LRP1B: variants seen among roughly 807,000 people sequenced by gnomAD.
LRP1B encodes the protein LDL receptor related protein 1B, also known as low-density lipoprotein receptor-related protein 1B.
A neutral mutation model predicts 556.6 loss-of-function variants in LRP1B; 217 were observed. That is an observed-to-expected ratio of 0.39 (90% CI 0.35 to 0.44). The LOEUF (loss-of-function observed/expected upper bound fraction) is 0.44. LRP1B is among the 20% of genes least tolerant of loss of function. LRP1B has a pLI of 1.00. For missense variants in LRP1B, 5,053 were observed against 5,620.8 expected (o/e 0.90, Z 3.23); for synonymous variants, 2,047 against 1,865.8 (o/e 1.10, Z -2.50).
intron 41 of LRP1B, among the ~76,000 whole-genome samples, chr2:140,604,519 C>A (rs1682795778): frequency 6.6e-6 from 1 of 152,144 alleles, no homozygotes; most frequent in African/African-American, 2.4e-5. Context: ...AACATACTTT[C>A]ATCTCATCAC....
rs1378066262 is a variant in LRP1B, at chr2:140,963,709, C to A, written c.2888-11769G>T. Among the ~76,000 whole-genome samples the A allele has an allele frequency of 5.3e-5, 8 of 151,976 alleles. No individual in the cohort carries two copies. In the East Asian group the frequency reaches 1.4e-3, roughly 26 times the overall value. ...TTGTGGCTCACACCTGTAATCCCGG[C>A]ACTTTGGGAGGCTGAGGTGGGCAGA... is the stretch of plus-strand genomic sequence containing the variant. On this transcript the variant is annotated intron_variant, in intron 18 of 90. Coordinates refer to ENST00000389484, the MANE Select transcript of LRP1B (RefSeq NM_018557.3).
chr2:141,014,766 A>T (rs1055627117), intron 13 of LRP1B, among the ~76,000 whole-genome samples: 5 of 152,106 alleles, frequency 3.3e-5, no homozygotes, highest in African/African-American at 1.2e-4. Context: ...ACATCTTCTA[A>T]GGAAGCATAA....
intron 1 of LRP1B, among the ~76,000 whole-genome samples, chr2:142,115,486 TATA>T (rs1707158196): frequency 3.1e-5 from 2 of 65,268 alleles, no homozygotes; most frequent in East Asian, 6.0e-4. Flanking sequence ...ACATATAATA[TATA>T]ATTATATATA....
At chr2:140,664,120 T>G (rs756904091) in intron 41 of LRP1B, among the ~76,000 whole-genome samples, 4 of 152,196 alleles carry the variant, frequency 2.6e-5, no homozygotes, top group Non-Finnish European at 5.9e-5. Flanking sequence ...TCAAAATGGT[T>G]ACAATAGTAA....
chr2:140,808,037 AG>A (rs1690785976), intron 32 of LRP1B, among the ~76,000 whole-genome samples: 1 of 152,212 alleles, frequency 6.6e-6, no homozygotes, highest in Non-Finnish European at 1.5e-5. Context: ...GGTTGCAGTG[AG>A]CCAAGATTAC....
chr2:141,184,856 G>T, intron 7 of LRP1B, among the ~76,000 whole-genome samples: 1 of 149,740 alleles, frequency 6.7e-6, no homozygotes, highest in East Asian at 2.0e-4. Flanking sequence ...TTCTTCCCTA[G>T]GCTACACTTC....
chr2:141,660,123 AG>A (rs1405722115), intron 2 of LRP1B, among the ~76,000 whole-genome samples: 1 of 151,802 alleles, frequency 6.6e-6, no homozygotes, highest in Non-Finnish European at 1.5e-5. Context: ...CCAGCAACTG[AG>A]GTATCCAGGT....
intron 84 of LRP1B, among the ~76,000 whole-genome samples, chr2:140,289,110 AAATAT>A (rs775941465): frequency 6.6e-6 from 1 of 151,996 alleles, no homozygotes; most frequent in Non-Finnish European, 1.5e-5. Context: ...CAAAATTACT[AAATAT>A]AATTACTAAT....
At chr2:141,704,509 C>T (rs1168936322) in intron 2 of LRP1B, among the ~76,000 whole-genome samples, 1 of 151,814 alleles carries the variant, frequency 6.6e-6, no homozygotes, top group East Asian at 1.9e-4. Context: ...TCCTTAAGAC[C>T]CTTAGAGAAC....
At chr2:141,555,904 T>C (rs957456117) in intron 2 of LRP1B, among the ~76,000 whole-genome samples, 71 of 151,938 alleles carry the variant, frequency 4.7e-4, no homozygotes, top group African/African-American at 1.6e-3. Context: ...AAAGGGTAAG[T>C]AAGCCAGTTT....
intron 75 of LRP1B, 50 bp downstream of exon 75, chr2:140,356,292 C>T (rs1682211876): frequency 6.3e-7 from 1 of 1,591,048 alleles, no homozygotes; most frequent in Non-Finnish European, 8.6e-7. Context: ...TCTTGGGAAT[C>T]TTCATAACCC....
chr2:142,059,541 G>GT (rs5834895), intron 1 of LRP1B, among the ~76,000 whole-genome samples: 91,229 of 151,714 alleles, frequency 0.6, 28,765 homozygotes, highest in East Asian at 0.69. Context: ...AGTTTTTATT[G>GT]TTTTTTTAAA....
At chr2:141,440,989 G>A (rs1195109928) in intron 3 of LRP1B, among the ~76,000 whole-genome samples, 5 of 150,498 alleles carry the variant, frequency 3.3e-5, no homozygotes, top group Non-Finnish European at 7.4e-5. Context: ...CCCACCCTCA[G>A]ACCCTGCCCC....
At chr2:140,728,530 T>C (rs1264221346) in intron 35 of LRP1B, among the ~76,000 whole-genome samples, 1 of 152,162 alleles carries the variant, frequency 6.6e-6, no homozygotes, top group African/African-American at 2.4e-5. Flanking sequence ...AACAACACCA[T>C]TCCATTTCAC....
At chr2:140,857,254 TTAGG>T (rs1446117966) in intron 27 of LRP1B, among the ~76,000 whole-genome samples, 1 of 152,198 alleles carries the variant, frequency 6.6e-6, no homozygotes, top group Non-Finnish European at 1.5e-5. Flanking sequence ...ATCCAATTTG[TTAGG>T]TAGAGAAAGA....
In LRP1B at chr2:140,872,668, G is replaced by A. The variant is rs532748299; in HGVS notation, c.4170-4405C>T. On this transcript the variant is annotated intron_variant, in intron 25 of 90. Transcript: ENST00000389484. ...ATTTGTTTAATTTTATGTTTGATTT[G>A]GCATCCATCTCTAATCTTCCTCTAG... Among the ~76,000 whole-genome samples, 43 of 151,528 alleles carry A rather than the reference G, an allele frequency of 2.8e-4. 1 individual carries two copies. The highest frequency in any genetic ancestry group is 2.2e-3 in the Admixed American group (34 of 15,180).
chr2:141,390,589 T>C (rs1690013978), intron 3 of LRP1B, among the ~76,000 whole-genome samples: 1 of 152,250 alleles, frequency 6.6e-6, no homozygotes, highest in Non-Finnish European at 1.5e-5. Flanking sequence ...AATGTAATAT[T>C]ATTCAGACAT....
intron 2 of LRP1B, among the ~76,000 whole-genome samples, chr2:141,688,845 A>G (rs1574244379): frequency 6.6e-6 from 1 of 151,858 alleles, no homozygotes; most frequent in African/African-American, 2.4e-5. Context: ...CCTAGGATGG[A>G]TGGGTAATAA....
chr2:141,100,839 C>T (rs1212966025), intron 7 of LRP1B, among the ~76,000 whole-genome samples: 4 of 151,902 alleles, frequency 2.6e-5, no homozygotes, highest in African/African-American at 4.8e-5. Context: ...AGACAGAAGG[C>T]CTGCTAAGGC....
Sources: allele counts gnomAD v4.1 joint callset (sites outside exome capture counted in the v4.1 genomes callset), GRCh38; gene constraint gnomAD v4.1.1; transcripts MANE v1.5; gene names NCBI Gene and HGNC (gene_info 2026-07-23, HGNC 2026-07-21).